The following SHANK2 variants were observed in gnomAD, a reference collection of about 807,000 sequenced individuals.
SHANK2 encodes SH3 and multiple ankyrin repeat domains protein 2.
Under a neutral mutation model 133.7 loss-of-function variants are expected in SHANK2, and 43 were observed. The observed-to-expected ratio is 0.32, with a 90% confidence interval of 0.25 to 0.41. The LOEUF (loss-of-function observed/expected upper bound fraction) is 0.41, where lower values mean the gene tolerates loss of function less well. Among genes scored for constraint, SHANK2 ranks in the 10% least tolerant of loss-of-function variants. The pLI is 1.00. For missense variants in SHANK2, 1,994 were observed against 2,235.8 expected (o/e 0.89, Z 2.18); for synonymous variants, 1,017 against 952.8 (o/e 1.07, Z -1.24).
chr11:70,732,362 C>G (rs1452945127), intron 14 of SHANK2, among the ~76,000 whole-genome samples: 9 of 152,230 alleles, frequency 5.9e-5, no homozygotes, highest in African/African-American at 2.2e-4. Context: ...ACCTTCCTCT[C>G]TCTCCTGGGC....
At chr11:70,672,222 C>T (rs1358510008) in intron 15 of SHANK2, among the ~76,000 whole-genome samples, 2 of 151,990 alleles carry the variant, frequency 1.3e-5, no homozygotes, top group African/African-American at 2.4e-5. Flanking sequence ...CGCCACCATG[C>T]CTGGCTAATT....
chr11:70,554,088 G>A (rs1043043471), intron 17 of SHANK2, among the ~76,000 whole-genome samples: 1 of 152,244 alleles, frequency 6.6e-6, no homozygotes, highest in South Asian at 2.1e-4. Flanking sequence ...CCTTTGTGGG[G>A]AGCAGATGGT....
rs558110389 is a variant in SHANK2 at position 70,937,332 on chromosome 11, T to C, written c.1108-40765A>G. ...CAAGTCATGTGGTAACAGGGACGTG[T>C]CCAAAACAAAAGCCCCAAATGCCTT... On this transcript the variant is annotated intron_variant, in intron 10 of 25. Coordinates refer to ENST00000601538, the MANE Select transcript of SHANK2 (RefSeq NM_012309.5). Among the ~76,000 whole-genome samples, 8 of 152,282 alleles carry C rather than the reference T, an allele frequency of 5.3e-5. No homozygotes were observed. In the South Asian group the frequency reaches 1.7e-3, roughly 32 times the overall value.
intron 17 of SHANK2, among the ~76,000 whole-genome samples, chr11:70,512,074 G>A (rs1253911584): frequency 1.3e-5 from 2 of 152,186 alleles, no homozygotes; most frequent in African/African-American, 4.8e-5. Flanking sequence ...ATTATCCGCT[G>A]ACACACTGTG....
At chr11:70,772,773 T>C (rs1947279966) in intron 14 of SHANK2, among the ~76,000 whole-genome samples, 1 of 152,210 alleles carries the variant, frequency 6.6e-6, no homozygotes, top group Non-Finnish European at 1.5e-5. Flanking sequence ...GGGACTCCAC[T>C]AGAAAATTTA....
At chr11:70,845,222 AAAAG>A (rs1183649793) in intron 11 of SHANK2, among the ~76,000 whole-genome samples, 53 of 150,944 alleles carry the variant, frequency 3.5e-4, no homozygotes, top group Admixed American at 1.7e-3. Context: ...AAAAAAAAGA[AAAAG>A]AAAGAAAGAA....
At position 71,210,232 on chromosome 11, in the gene SHANK2, A is replaced by ATG. The variant is rs1954234615; in HGVS notation, c.-13+14464_-13+14465insCA. Among the ~76,000 whole-genome samples, 3 of 70,992 alleles carry ATG rather than the reference A, an allele frequency of 4.2e-5. 1 individual carries two copies. The highest frequency in any genetic ancestry group is 5.8e-5 in the African/African-American group (1 of 17,212). 46.6% of individuals were successfully genotyped at this position (70,992 alleles called of 152,430 possible). ...CAGGTATATATATATATATATATAT[A>ATG]TATATATATATATATATATATTTAT... On this transcript the variant is annotated intron_variant, in intron 2 of 25. Coordinates refer to ENST00000601538, the MANE Select transcript of SHANK2 (RefSeq NM_012309.5).
intron 6 of SHANK2, among the ~76,000 whole-genome samples, chr11:71,099,004 G>T (rs1250326442): frequency 6.6e-6 from 1 of 152,128 alleles, no homozygotes; most frequent in African/African-American, 2.4e-5. Flanking sequence ...AACAGGACGG[G>T]CCCTCGGCAC....
intron 1 of SHANK2, among the ~76,000 whole-genome samples, chr11:71,234,976 C>T (rs1390914083): frequency 1.3e-5 from 2 of 152,114 alleles, no homozygotes; most frequent in Non-Finnish European, 2.9e-5. Flanking sequence ...CATGAGCTAC[C>T]GTACAACGGA....
chr11:71,213,239 A>C (rs1299787861), intron 2 of SHANK2, among the ~76,000 whole-genome samples: 1 of 152,126 alleles, frequency 6.6e-6, no homozygotes, highest in Non-Finnish European at 1.5e-5. Flanking sequence ...CTCTCACAAC[A>C]GAGGCAGATA....
At chr11:70,672,016 C>T (rs115090690) in intron 15 of SHANK2, among the ~76,000 whole-genome samples, 1,592 of 152,040 alleles carry the variant, frequency 0.01, 29 homozygotes, top group African/African-American at 0.036. Flanking sequence ...CTGTATCTCC[C>T]CCACTTAAAA....
intron 14 of SHANK2, among the ~76,000 whole-genome samples, chr11:70,716,898 C>CG (rs1945940144): frequency 6.9e-6 from 1 of 144,650 alleles, no homozygotes; most frequent in South Asian, 2.4e-4. Flanking sequence ...TCCCGGAGCC[C>CG]CCCCCCCGCC....
intron 11 of SHANK2, among the ~76,000 whole-genome samples, chr11:70,875,028 T>C (rs1468964299): frequency 6.6e-6 from 1 of 152,188 alleles, no homozygotes; most frequent in Non-Finnish European, 1.5e-5. Context: ...AAGGATACAT[T>C]ATAAAAAGAT....
intron 17 of SHANK2, among the ~76,000 whole-genome samples, chr11:70,567,386 T>C (rs1323296155): frequency 6.6e-6 from 1 of 151,994 alleles, no homozygotes; most frequent in African/African-American, 2.4e-5. Flanking sequence ...CCTAGCACTT[T>C]GGGAGGCCGA....
intron 17 of SHANK2, among the ~76,000 whole-genome samples, chr11:70,613,763 G>GTTTTT (rs57180024): frequency 0.058 from 7,158 of 123,756 alleles, 657 homozygotes; most frequent in African/African-American, 0.13. Context: ...AGGGGAACTT[G>GTTTTT]TTTTTTTTTT....
At chr11:70,686,221 T>TCCAC (rs1945147262) in intron 15 of SHANK2, among the ~76,000 whole-genome samples, 1 of 88,652 alleles carries the variant, frequency 1.1e-5, no homozygotes, top group Non-Finnish European at 2.3e-5. Context: ...CATCCATCCA[T>TCCAC]CCATCCATCC....
intron 2 of SHANK2, among the ~76,000 whole-genome samples, chr11:71,219,732 CAAATA>C (rs1403402131): frequency 1.3e-5 from 2 of 151,316 alleles, no homozygotes; most frequent in African/African-American, 2.4e-5. Flanking sequence ...CTCTACTAAA[CAAATA>C]AAATAAAATA....
At chr11:71,060,211 A>G (rs1950971621) in intron 9 of SHANK2, among the ~76,000 whole-genome samples, 2 of 152,204 alleles carry the variant, frequency 1.3e-5, no homozygotes, top group Non-Finnish European at 2.9e-5. Flanking sequence ...TTACTGGGTT[A>G]AGGCCAGGGA....
intron 17 of SHANK2, among the ~76,000 whole-genome samples, chr11:70,575,821 C>G (rs1261983509): frequency 6.6e-6 from 1 of 151,640 alleles, no homozygotes; most frequent in Non-Finnish European, 1.5e-5. Flanking sequence ...ACTTGGGGGG[C>G]GTGGGCTGGA....
Sources: allele counts gnomAD v4.1 joint callset (sites outside exome capture counted in the v4.1 genomes callset), GRCh38; gene constraint gnomAD v4.1.1; transcripts MANE v1.5; gene names NCBI Gene and HGNC (gene_info 2026-07-23, HGNC 2026-07-21).